Variants in FRA10AC1 observed in about 807,000 individuals in gnomAD.
FRA10AC1 encodes the protein FRA10A associated CGG repeat 1, also known as protein FRA10AC1.
In FRA10AC1, 43 loss-of-function variants were observed where a neutral mutation model predicts 56.5. The ratio of observed to expected loss-of-function variants is 0.76; its 90% CI spans 0.60 to 0.98. The LOEUF is 0.98. Ranked by LOEUF, FRA10AC1 falls within the 50% of genes least tolerant of loss-of-function variation. The probability of loss-of-function intolerance (pLI) is 0.00; values close to 1 mark genes in which losing one functional copy is unlikely to be tolerated. For synonymous variants in FRA10AC1, 112 were observed against 110.5 expected (o/e 1.01, Z -0.09); for missense variants, 346 against 351.8 (o/e 0.98, Z 0.13).
At chr10:93,689,235 C>T (rs11187587) in intron 7 of FRA10AC1, among the ~76,000 whole-genome samples, 9,951 of 151,996 alleles carry the variant, frequency 0.065, 511 homozygotes, top group East Asian at 0.27. Flanking sequence ...ACTGGGATTA[C>T]AGGCAAGAGC....
chr10:93,691,928 A>G (rs763728611), intron 7 of FRA10AC1, 81 bp downstream of exon 7: 7 of 1,381,228 alleles, frequency 5.1e-6, no homozygotes, highest in Middle Eastern at 3.7e-4. Context: ...TTAAAAGAAT[A>G]ATGTGGGGCA....
At chr10:93,702,301 T>C (rs2059347834) in intron 1 of FRA10AC1, 74 bp downstream of exon 1, 1 of 150,918 alleles carries the variant, frequency 6.6e-6, no homozygotes, top group Admixed American at 6.6e-5. Flanking sequence ...GACGATCAGC[T>C]AGTACTATAT....
chr10:93,694,857 T>C lies in FRA10AC1; in HGVS notation c.296+4A>G, dbSNP rs1168123893. 1.3e-6 allele frequency: 2 copies of C among 1,560,346 alleles called. No homozygotes were observed. Among genetic ancestry groups the C allele is most frequent in the East Asian group, 2.2e-5 (1 of 44,494 alleles). On this transcript the variant is annotated splice_donor_region_variant and intron_variant, in intron 5 of 13. Transcript: ENST00000359204. Reference sequence around the variant, plus strand: ...CCCTTCTATGTAAACTTCCTGATACTTACCCCAAACGCTTGAAGTCTTCTT... The same window carrying C: ...CCCTTCTATGTAAACTTCCTGATACCTACCCCAAACGCTTGAAGTCTTCTT...
At chr10:93,683,626 C>T (rs1246992810) in intron 10 of FRA10AC1, among the ~76,000 whole-genome samples, 1 of 152,192 alleles carries the variant, frequency 6.6e-6, no homozygotes, top group Non-Finnish European at 1.5e-5. Context: ...GCTAGGATTA[C>T]AGGCATGAGC....
chr10:93,702,957 TCTCC>T (rs1156241222), upstream of FRA10AC1: 12 of 455,960 alleles, frequency 2.6e-5, no homozygotes, highest in Non-Finnish European at 4.9e-5. Context: ...CAGATCAGCC[TCTCC>T]CTCCTTCCCC....
At chr10:93,693,339 G>A (rs1190186719) in intron 5 of FRA10AC1, among the ~76,000 whole-genome samples, 4 of 148,800 alleles carry the variant, frequency 2.7e-5, no homozygotes, top group African/African-American at 4.9e-5. Flanking sequence ...AAAATTGTTA[G>A]AGGGAAAAAA....
rs544037294 is a variant in FRA10AC1, at chr10:93,694,852, G to A, written c.296+9C>T. 6.5e-7 allele frequency: 1 copy of A among 1,536,052 alleles called. No homozygotes were observed. Among genetic ancestry groups the A allele is most frequent in the Non-Finnish European group, 9.0e-7 (1 of 1,112,772 alleles). On this transcript the variant is annotated intron_variant, in intron 5 of 13. Coordinates refer to ENST00000359204, the MANE Select transcript of FRA10AC1 (RefSeq NM_145246.5). ...ACATTCCCTTCTATGTAAACTTCCT[G>A]ATACTTACCCCAAACGCTTGAAGTC...
At chr10:93,681,738 G>A (rs1372578810) in intron 10 of FRA10AC1, 140 bp from the exon 11 acceptor site, 4 of 702,644 alleles carry the variant, frequency 5.7e-6, no homozygotes, top group Non-Finnish European at 8.3e-6. Flanking sequence ...AACGTTAAGT[G>A]AGACTGTAAA....
chr10:93,702,682 A>T (rs903353890), upstream of FRA10AC1: 1 of 227,886 alleles, frequency 4.4e-6, no homozygotes, highest in African/African-American at 2.4e-5. Context: ...CCGGGAAACA[A>T]GGGCAGCGGG....
At chr10:93,684,934 G>A (rs1256692770) in intron 9 of FRA10AC1, among the ~76,000 whole-genome samples, 1 of 152,114 alleles carries the variant, frequency 6.6e-6, no homozygotes, top group African/African-American at 2.4e-5. Flanking sequence ...AGATTACACT[G>A]CCTTTTCTGA....
chr10:93,680,065 T>C (rs1409337), intron 11 of FRA10AC1, among the ~76,000 whole-genome samples: 101,062 of 152,018 alleles, frequency 0.66, 34,333 homozygotes, highest in Middle Eastern at 0.79. Context: ...GGTCCAACCT[T>C]AGCCCTGAAC....
chr10:93,683,949 CCAA>C, intron 10 of FRA10AC1, 104 bp downstream of exon 10: 2 of 753,632 alleles, frequency 2.7e-6, no homozygotes, highest in Non-Finnish European at 4.5e-6. Context: ...ACATGATCAA[CCAA>C]TTCAACCATC....
chr10:93,675,805 T>C (rs1038783973), intron 12 of FRA10AC1: 9 of 177,072 alleles, frequency 5.1e-5, no homozygotes, highest in Non-Finnish European at 1.1e-4. Flanking sequence ...AGATATGCTA[T>C]TGAACTACAC....
chr10:93,689,250 G>A (rs894367206), intron 7 of FRA10AC1, among the ~76,000 whole-genome samples: 3 of 151,676 alleles, frequency 2.0e-5, no homozygotes, highest in South Asian at 2.1e-4. Flanking sequence ...AAGAGCCACC[G>A]TGCCTGGCAA....
chr10:93,680,912 A>G (rs1182544569), intron 11 of FRA10AC1, among the ~76,000 whole-genome samples: 1 of 152,214 alleles, frequency 6.6e-6, no homozygotes, highest in East Asian at 1.9e-4. Flanking sequence ...TTCTAAGTAT[A>G]GGTGCACAGC....
upstream of FRA10AC1, among the ~76,000 whole-genome samples, chr10:93,702,858 T>C (rs1233090267): frequency 1.3e-5 from 2 of 151,878 alleles, no homozygotes; most frequent in African/African-American, 4.8e-5. Flanking sequence ...TATATTTTGT[T>C]TTACCGTGCC....
intron 10 of FRA10AC1, among the ~76,000 whole-genome samples, chr10:93,683,604 G>A (rs1430162525): frequency 6.6e-6 from 1 of 152,102 alleles, no homozygotes; most frequent in East Asian, 1.9e-4. Context: ...ACCCAAACTG[G>A]CCTCCCCAAG....
At chr10:93,693,161 GAAAGCCAAA>G (rs143098263) in intron 5 of FRA10AC1, among the ~76,000 whole-genome samples, 1,728 of 149,514 alleles carry the variant, frequency 0.012, 22 homozygotes, top group Non-Finnish European at 0.015. Context: ...AAAGGAGGAA[GAAAGCCAAA>G]GGGATTGACC....
intron 4 of FRA10AC1, among the ~76,000 whole-genome samples, chr10:93,696,450 A>C (rs963595688): frequency 2.6e-5 from 4 of 152,200 alleles, no homozygotes; most frequent in South Asian, 4.1e-4. Context: ...AAAGTCAGGA[A>C]ACAACAGATG....
Sources: gnomAD v4.1 joint callset for allele counts (sites outside exome capture counted in the v4.1 genomes callset) on GRCh38, gnomAD v4.1.1 for gene constraint, MANE v1.5 for transcripts, NCBI Gene and HGNC (gene_info 2026-07-23, HGNC 2026-07-21) for gene names.